CLEC16A: variants seen among roughly 807,000 people sequenced by gnomAD.
CLEC16A encodes C-type lectin domain containing 16A.
In CLEC16A, 51 loss-of-function variants were observed where a neutral mutation model predicts 109.5. The observed-to-expected ratio is 0.47, with a 90% CI of 0.37 to 0.59. The LOEUF (loss-of-function observed/expected upper bound fraction) is 0.59. Among genes scored for constraint, CLEC16A ranks in the 20% least tolerant of loss-of-function variants. CLEC16A has a pLI of 0.00. For synonymous variants in CLEC16A, 673 were observed against 564.2 expected (o/e 1.19, Z -2.73); for missense variants, 1,339 against 1,394.0 (o/e 0.96, Z 0.63).
chr16:11,045,612 T>G (rs1354092400), intron 16 of CLEC16A, among the ~76,000 whole-genome samples: 1 of 152,094 alleles, frequency 6.6e-6, no homozygotes, highest in Admixed American at 6.6e-5. Flanking sequence ...CAGGGAAGGC[T>G]CATCACTCGT....
chr16:11,059,765 C>T lies in CLEC16A; in HGVS notation c.1996-1137C>T, dbSNP rs562343427. Reference sequence around the variant, plus strand: ...ACTGTGCTGGCTGCTTTCCCTCCTGCGTTATCTCAGAACCTCCTAGCAGGC... The same window carrying T: ...ACTGTGCTGGCTGCTTTCCCTCCTGTGTTATCTCAGAACCTCCTAGCAGGC... On this transcript the variant is annotated intron_variant, in intron 18 of 23. Transcript: ENST00000409790. 2.6e-5 allele frequency among the ~76,000 whole-genome samples: 4 copies of T among 152,290 alleles called. No individual in the cohort carries two copies. In the South Asian group the frequency reaches 6.2e-4, roughly 24 times the overall value.
intron 22 of CLEC16A, among the ~76,000 whole-genome samples, chr16:11,134,740 G>T (rs185772632): frequency 6.6e-6 from 1 of 152,228 alleles, no homozygotes; most frequent in East Asian, 1.9e-4. Flanking sequence ...TGGATTTTCA[G>T]ATTTGGATTG....
At chr16:11,076,569 G>T (rs1008567232) in intron 19 of CLEC16A, among the ~76,000 whole-genome samples, 10 of 152,152 alleles carry the variant, frequency 6.6e-5, no homozygotes, top group African/African-American at 2.4e-4. Flanking sequence ...AGTGAACCCA[G>T]CCACCAGATT....
chr16:11,074,246 C>T (rs892016536), intron 19 of CLEC16A, among the ~76,000 whole-genome samples: 9 of 152,186 alleles, frequency 5.9e-5, no homozygotes, highest in African/African-American at 2.2e-4. Flanking sequence ...AGTTAAACCA[C>T]CAATTCTCTA....
At chr16:10,962,180 C>T (rs1318120079) in intron 2 of CLEC16A, among the ~76,000 whole-genome samples, 1 of 151,964 alleles carries the variant, frequency 6.6e-6, no homozygotes, top group East Asian at 1.9e-4. Flanking sequence ...TTGAACTGGC[C>T]TCAAGCGATC....
chr16:11,168,240 T>C (rs1597621109), intron 23 of CLEC16A, among the ~76,000 whole-genome samples: 1 of 152,290 alleles, frequency 6.6e-6, no homozygotes, highest in Non-Finnish European at 1.5e-5. Context: ...TGCTAGTTTC[T>C]TTTTTCTTGG....
chr16:10,990,511 C>T (rs531659664), intron 10 of CLEC16A, among the ~76,000 whole-genome samples: 6 of 152,174 alleles, frequency 3.9e-5, no homozygotes, highest in Non-Finnish European at 8.8e-5. Context: ...ACCAAAGGCC[C>T]GGGGTTTTGG....
At chr16:10,986,998 A>G (rs1596901958) in intron 10 of CLEC16A, among the ~76,000 whole-genome samples, 1 of 151,824 alleles carries the variant, frequency 6.6e-6, no homozygotes, top group East Asian at 1.9e-4. Context: ...GACTACAGGC[A>G]TGCACCACCA....
chr16:11,167,936 C>T (rs1031710417), intron 23 of CLEC16A, among the ~76,000 whole-genome samples: 1 of 152,124 alleles, frequency 6.6e-6, no homozygotes, highest in African/African-American at 2.4e-5. Flanking sequence ...TGCTCAGGGG[C>T]GGGCATGCAG....
At chr16:11,120,476 G>A in intron 19 of CLEC16A, 139 bp from the exon 20 acceptor site, 1 of 824,896 alleles carries the variant, frequency 1.2e-6, no homozygotes, top group African/African-American at 1.7e-5. Flanking sequence ...AAGGGACTCA[G>A]ACCTAGGTCT....
At chr16:11,021,130 G>A (rs1039635749) in intron 12 of CLEC16A, among the ~76,000 whole-genome samples, 4 of 152,144 alleles carry the variant, frequency 2.6e-5, no homozygotes, top group Admixed American at 6.5e-5. Context: ...AAATACACAC[G>A]GCCCCCCATC....
chr16:11,177,936 C>G (rs78925618), intron 23 of CLEC16A, among the ~76,000 whole-genome samples: 1 of 151,470 alleles, frequency 6.6e-6, no homozygotes, highest in Non-Finnish European at 1.5e-5. Flanking sequence ...CCTGATATTA[C>G]GAGCACACCC....
At position 10,987,557 on chromosome 16, in the gene CLEC16A, G is replaced by T. The variant is rs760468355; in HGVS notation, c.1071+4566G>T. ...TGAACTGAAAATGAGACTCTGTAGCGTGGAGGGAATTGCTAGCCCACATGT... is the reference window on the plus strand; with the variant it reads ...TGAACTGAAAATGAGACTCTGTAGCTTGGAGGGAATTGCTAGCCCACATGT... On this transcript the variant is annotated intron_variant, in intron 10 of 23. Transcript: ENST00000409790. Among the ~76,000 whole-genome samples, 15 of 152,334 alleles carry T rather than the reference G, an allele frequency of 9.8e-5. No homozygotes were observed. The South Asian group carries it at 2.7e-3, about 27-fold the overall frequency.
intron 22 of CLEC16A, among the ~76,000 whole-genome samples, chr16:11,154,777 A>C (rs1373177186): frequency 6.6e-6 from 1 of 152,116 alleles, no homozygotes; most frequent in Non-Finnish European, 1.5e-5. Flanking sequence ...ATACAAAAAA[A>C]TTAGACAGGT....
rs1337282563 is a variant in CLEC16A, at chr16:11,147,987, A to AT, written c.2642-18401_2642-18400insT. Among the ~76,000 whole-genome samples the AT allele has an allele frequency of 2.0e-5, 3 of 152,204 alleles. No homozygotes were observed. The East Asian group carries it at 5.8e-4, about 29-fold the overall frequency. Reference sequence around the variant, plus strand: ...ATTTCTTTTTGACTTTGAGAAAAAAACTCTGTTCTTACTGGTAAAATAGCC... The same window carrying AT: ...ATTTCTTTTTGACTTTGAGAAAAAAATCTCTGTTCTTACTGGTAAAATAGCC... On this transcript the variant is annotated intron_variant, in intron 22 of 23. Coordinates refer to ENST00000409790, the MANE Select transcript of CLEC16A (RefSeq NM_015226.3).
At chr16:11,066,902 C>G (rs1567270508) in intron 19 of CLEC16A, 1 of 151,804 alleles carries the variant, frequency 6.6e-6, no homozygotes. Flanking sequence ...ATTTCATAGC[C>G]CAGAAAAGCA....
chr16:11,049,780 G>T (rs1317643583), intron 17 of CLEC16A, among the ~76,000 whole-genome samples: 2 of 152,216 alleles, frequency 1.3e-5, no homozygotes, highest in Non-Finnish European at 2.9e-5. Flanking sequence ...CAGGCCTGAG[G>T]GGTTCACTGG....
intron 3 of CLEC16A, among the ~76,000 whole-genome samples, chr16:10,967,587 G>A (rs56363812): frequency 0.18 from 27,657 of 152,084 alleles, 2,741 homozygotes; most frequent in South Asian, 0.3. Context: ...AAGAAGAATG[G>A]CAGTTAACAT....
rs374418672 is a variant in CLEC16A at position 11,060,092 on chromosome 16, T to G, written c.1996-810T>G. On this transcript the variant is annotated intron_variant, in intron 18 of 23. Coordinates refer to ENST00000409790, the MANE Select transcript of CLEC16A (RefSeq NM_015226.3). ...CGGCTCCGACTGCTGGGACTCTGCTTTGTTTCTGCTCTCTGAAAGTACCTG... is the reference window on the plus strand; with the variant it reads ...CGGCTCCGACTGCTGGGACTCTGCTGTGTTTCTGCTCTCTGAAAGTACCTG... 2.6e-5 allele frequency among the ~76,000 whole-genome samples: 4 copies of G among 152,324 alleles called. No individual in the cohort carries two copies. The South Asian group carries it at 8.3e-4, about 32-fold the overall frequency.
Sources: allele counts gnomAD v4.1 joint callset (sites outside exome capture counted in the v4.1 genomes callset), GRCh38; gene constraint gnomAD v4.1.1; transcripts MANE v1.5; gene names NCBI Gene and HGNC (gene_info 2026-07-23, HGNC 2026-07-21).